The following ST3GAL6 variants were observed in gnomAD, a reference collection of about 807,000 sequenced individuals.
ST3GAL6 encodes the protein type 2 lactosamine alpha-2,3-sialyltransferase.
Under a neutral mutation model 40.5 loss-of-function variants are expected in ST3GAL6, and 31 were observed. The ratio of observed to expected loss-of-function variants is 0.77; its 90% CI spans 0.58 to 1.03. The LOEUF is 1.03. Ranked by LOEUF, ST3GAL6 falls within the 50% of genes least tolerant of loss-of-function variation. The pLI is 0.00. For synonymous variants in ST3GAL6, 129 were observed against 136.9 expected (o/e 0.94, Z 0.40); for missense variants, 357 against 393.2 (o/e 0.91, Z 0.78).
At chr3:98,792,530 A>T (rs1165515041) in intron 9 of ST3GAL6, among the ~76,000 whole-genome samples, 6 of 124,320 alleles carry the variant, frequency 4.8e-5, no homozygotes, top group Non-Finnish European at 8.3e-5. Flanking sequence ...TTTTTTTTTG[A>T]GAGTCTCACT....
intron 7 of ST3GAL6, 33 bp downstream of exon 7, chr3:98,788,255 A>C: frequency 6.3e-7 from 1 of 1,595,670 alleles, no homozygotes; most frequent in Non-Finnish European, 8.5e-7. Flanking sequence ...CCTTCAGATT[A>C]CCTTTAGTGC....
intron 1 of ST3GAL6, among the ~76,000 whole-genome samples, chr3:98,747,504 G>A (rs556402659): frequency 2.8e-4 from 42 of 152,248 alleles, no homozygotes; most frequent in African/African-American, 8.9e-4. Flanking sequence ...CAATTTGTAC[G>A]ATTCACTAGC....
At chr3:98,786,438 G>T (rs1243291481) in intron 6 of ST3GAL6, among the ~76,000 whole-genome samples, 1 of 152,182 alleles carries the variant, frequency 6.6e-6, no homozygotes, top group Non-Finnish European at 1.5e-5. Context: ...GAGAGGTCAT[G>T]CAAGATAAGG....
upstream of ST3GAL6, among the ~76,000 whole-genome samples, chr3:98,761,470 A>T (rs1364175506): frequency 6.6e-6 from 1 of 152,030 alleles, no homozygotes; most frequent in Non-Finnish European, 1.5e-5. Flanking sequence ...TTAGCCAGGC[A>T]TGGTGGCACG....
chr3:98,738,466 C>T (rs1402921139), intron 1 of ST3GAL6, among the ~76,000 whole-genome samples: 3 of 151,996 alleles, frequency 2.0e-5, no homozygotes, highest in East Asian at 3.9e-4. Flanking sequence ...TTTGTAGAGA[C>T]GGGGTCTCAC....
chr3:98,733,365 T>C (rs1935224986), intron 1 of ST3GAL6: 2 of 1,068,758 alleles, frequency 1.9e-6, no homozygotes, highest in Non-Finnish European at 2.3e-6. Flanking sequence ...GGACCCTCTT[T>C]TGTCGAATCG....
intron 1 of ST3GAL6, among the ~76,000 whole-genome samples, chr3:98,757,280 G>A (rs1937496042): frequency 6.6e-6 from 1 of 152,204 alleles, no homozygotes; most frequent in East Asian, 1.9e-4. Flanking sequence ...TGCTTTAGTA[G>A]TGCTGGCCAA....
chr3:98,777,877 G>T (rs1939701826), intron 5 of ST3GAL6, among the ~76,000 whole-genome samples: 1 of 152,118 alleles, frequency 6.6e-6, no homozygotes, highest in Non-Finnish European at 1.5e-5. Flanking sequence ...CACAGAAAAG[G>T]AATACTAAAA....
At chr3:98,737,702 C>A (rs922811994) in intron 1 of ST3GAL6, among the ~76,000 whole-genome samples, 1 of 152,106 alleles carries the variant, frequency 6.6e-6, no homozygotes, top group Non-Finnish European at 1.5e-5. Flanking sequence ...TATGGCTTTT[C>A]TGATTAACAC....
rs537397179 is a variant in ST3GAL6, at chr3:98,793,826, T to A, written c.*65T>A. On this transcript the variant is annotated 3_prime_UTR_variant, in exon 10 of 10. Coordinates refer to ENST00000483910, the MANE Select transcript of ST3GAL6 (RefSeq NM_001323368.2). Reference sequence around the variant, plus strand: ...TATTTTTGTACTGCAATTTTTAGTTTAAAATATGTTGGATGCACTCGTCAA... The same window carrying A: ...TATTTTTGTACTGCAATTTTTAGTTAAAAATATGTTGGATGCACTCGTCAA... The A allele has an allele frequency of 3.0e-5, 31 of 1,041,046 alleles. No homozygotes were observed. In the African/African-American group the frequency reaches 4.2e-4, roughly 14 times the overall value. The allele number at this position is 1,041,046 out of a possible 1,614,324, so 64.5% of individuals were successfully genotyped here.
intron 1 of ST3GAL6, chr3:98,733,527 T>C (rs1453398202): frequency 2.0e-6 from 2 of 985,806 alleles, no homozygotes; most frequent in Non-Finnish European, 2.4e-6. Context: ...AAACCCTTTT[T>C]CCCTCCACAA....
chr3:98,769,222 G>C (rs148073672), intron 2 of ST3GAL6, among the ~76,000 whole-genome samples: 12 of 152,262 alleles, frequency 7.9e-5, no homozygotes, highest in African/African-American at 2.9e-4. Flanking sequence ...TTTCTAACTT[G>C]TGCTTACTTG....
intron 1 of ST3GAL6, among the ~76,000 whole-genome samples, chr3:98,746,897 T>C (rs1936602164): frequency 6.6e-6 from 1 of 152,214 alleles, no homozygotes; most frequent in African/African-American, 2.4e-5. Context: ...ACAATGTCTT[T>C]GAGGTAACAT....
At chr3:98,756,596 C>T (rs939303289) in intron 1 of ST3GAL6, 30 of 1,156,952 alleles carry the variant, frequency 2.6e-5, no homozygotes, top group Admixed American at 1.0e-4. Context: ...AACTTGAGCA[C>T]TTGTAATGTT....
chr3:98,762,339 G>T (rs527645964), upstream of ST3GAL6, among the ~76,000 whole-genome samples: 2 of 152,246 alleles, frequency 1.3e-5, no homozygotes, highest in East Asian at 1.9e-4. Context: ...TTGGAGGGGG[G>T]CATAAATCAG....
chr3:98,780,615 A>G (rs1322891383), intron 5 of ST3GAL6, among the ~76,000 whole-genome samples: 2 of 152,196 alleles, frequency 1.3e-5, no homozygotes, highest in Non-Finnish European at 1.5e-5. Flanking sequence ...GACCATAAGT[A>G]GGAGAGGCTG....
intron 5 of ST3GAL6, among the ~76,000 whole-genome samples, chr3:98,776,001 A>G (rs1394495359): frequency 6.6e-6 from 1 of 152,164 alleles, no homozygotes; most frequent in Non-Finnish European, 1.5e-5. Flanking sequence ...ACAGTGACAC[A>G]TGTTTTGTAA....
At chr3:98,737,720 T>G (rs1935677379) in intron 1 of ST3GAL6, among the ~76,000 whole-genome samples, 1 of 152,156 alleles carries the variant, frequency 6.6e-6, no homozygotes. Flanking sequence ...CACAGTGGCA[T>G]AAAACCTGAA....
upstream of ST3GAL6, chr3:98,762,587 T>G: frequency 1.0e-4 from 24 of 236,288 alleles, no homozygotes; most frequent in Non-Finnish European, 1.6e-4. Flanking sequence ...TCTTTAATTA[T>G]GAGATTAATA....
Sources: allele counts gnomAD v4.1 joint callset (sites outside exome capture counted in the v4.1 genomes callset), GRCh38; gene constraint gnomAD v4.1.1; transcripts MANE v1.5; gene names NCBI Gene and HGNC (gene_info 2026-07-23, HGNC 2026-07-21).